Variants in CDH4 observed in about 807,000 individuals in gnomAD.
The protein encoded by CDH4 is cadherin 4, also known as cadherin-4.
CDH4 carries 33 observed loss-of-function variants against 86.0 expected under a neutral mutation model. That is an observed-to-expected ratio of 0.38 (90% CI 0.29 to 0.51). CDH4 has a LOEUF of 0.51. Among genes scored for constraint, CDH4 ranks in the 20% least tolerant of loss-of-function variants. CDH4 has a pLI of 0.86. For missense variants in CDH4, 1,114 were observed against 1,307.4 expected (o/e 0.85, Z 2.28); for synonymous variants, 555 against 549.4 (o/e 1.01, Z -0.14).
chr20:61,713,354 G>A (rs772547072), intron 2 of CDH4, among the ~76,000 whole-genome samples: 12 of 152,182 alleles, frequency 7.9e-5, no homozygotes, highest in Non-Finnish European at 1.6e-4. Context: ...CTAAGCCATG[G>A]GGGTCCCGTG....
At position 61,463,330 on chromosome 20, in the gene CDH4, A is replaced by C. The variant is rs531040139; in HGVS notation, c.169+208393A>C. Among the ~76,000 whole-genome samples the C allele has an allele frequency of 9.2e-5, 14 of 152,348 alleles. 1 individual carries two copies. The South Asian group carries it at 2.7e-3, about 29-fold the overall frequency. ...GGCAAAGCCCCAAAGTAACAGCAAC[A>C]AAGGAAGAAAATCCAGGCAGATCTC... On this transcript the variant is annotated intron_variant, in intron 2 of 15. Coordinates refer to ENST00000614565, the MANE Select transcript of CDH4 (RefSeq NM_001794.5).
chr20:61,757,458 G>A (rs972507903), intron 3 of CDH4, among the ~76,000 whole-genome samples: 1 of 152,214 alleles, frequency 6.6e-6, no homozygotes, highest in African/African-American at 2.4e-5. Context: ...ACGACATCTG[G>A]GCCAGCCCTT....
At chr20:61,295,990 G>T (rs75190948) in intron 2 of CDH4, among the ~76,000 whole-genome samples, 1 of 152,150 alleles carries the variant, frequency 6.6e-6, no homozygotes, top group Non-Finnish European at 1.5e-5. Flanking sequence ...GTCTACCCCC[G>T]CTGCAGGAGG....
Position 61,537,884 on chromosome 20 carries a change from C to T in CDH4, c.170-205679C>T, listed in dbSNP as rs144262268. 6.2e-4 allele frequency among the ~76,000 whole-genome samples: 95 copies of T among 152,298 alleles called. No homozygotes were observed. The East Asian group carries it at 0.013, about 21-fold the overall frequency. The stretch of plus-strand genomic sequence containing the variant: ...GCGCCATGAAAGGGGCCGAGCGAGT[C>T]GGCTGCGTGGCCTGCTGTCTCCAGT... On this transcript the variant is annotated intron_variant, in intron 2 of 15. Transcript: ENST00000614565.
intron 2 of CDH4, among the ~76,000 whole-genome samples, chr20:61,644,877 C>T (rs567778804): frequency 6.6e-4 from 100 of 152,188 alleles, no homozygotes; most frequent in Non-Finnish European, 1.0e-3. Flanking sequence ...TGAGCTGGAT[C>T]CAAAACAGAG....
chr20:61,426,724 G>A (rs768824718), intron 2 of CDH4, among the ~76,000 whole-genome samples: 1 of 152,250 alleles, frequency 6.6e-6, no homozygotes, highest in Non-Finnish European at 1.5e-5. Flanking sequence ...CACCAGCGAA[G>A]GTGGAGGGAG....
intron 2 of CDH4, among the ~76,000 whole-genome samples, chr20:61,424,695 A>G (rs980882999): frequency 1.5e-4 from 19 of 124,180 alleles, no homozygotes; most frequent in Non-Finnish European, 2.9e-4. Context: ...CACCCTCCAG[A>G]TTTCAGCTTC....
chr20:61,932,504 A>T (rs1220480013), intron 13 of CDH4, among the ~76,000 whole-genome samples: 7 of 152,132 alleles, frequency 4.6e-5, no homozygotes, highest in African/African-American at 9.7e-5. Context: ...AGACACACGA[A>T]GTACACATGG....
chr20:61,391,275 C>G (rs1431111369), intron 2 of CDH4, among the ~76,000 whole-genome samples: 1 of 152,048 alleles, frequency 6.6e-6, no homozygotes, highest in Non-Finnish European at 1.5e-5. Flanking sequence ...GGGCTGAGTG[C>G]TGTATTGAGG....
intron 2 of CDH4, among the ~76,000 whole-genome samples, chr20:61,323,160 C>T (rs909458360): frequency 4.6e-5 from 7 of 152,140 alleles, no homozygotes; most frequent in Admixed American, 1.3e-4. Context: ...CCTTGCGGCA[C>T]GGGGTCTTCT....
At chr20:61,360,343 G>A (rs1347008619) in intron 2 of CDH4, among the ~76,000 whole-genome samples, 1 of 152,242 alleles carries the variant, frequency 6.6e-6, no homozygotes, top group South Asian at 2.1e-4. Flanking sequence ...TGCCTATTGG[G>A]GCTGGTGTGT....
Position 61,527,187 on chromosome 20 carries a change from C to T in CDH4, c.170-216376C>T, listed in dbSNP as rs529323483. Reference sequence around the variant, plus strand: ...TCACAATCAGTAACCAGCGCCCAGGCGCCCCTGGCACCCTCCCTAACCTAC... The same window carrying T: ...TCACAATCAGTAACCAGCGCCCAGGTGCCCCTGGCACCCTCCCTAACCTAC... On this transcript the variant is annotated intron_variant, in intron 2 of 15. Transcript: ENST00000614565. Among the ~76,000 whole-genome samples, 45 of 152,348 alleles carry T rather than the reference C, an allele frequency of 3.0e-4. 1 individual carries two copies. In the South Asian group the frequency reaches 7.5e-3, roughly 25 times the overall value.
At chr20:61,686,552 T>G (rs1157184874) in intron 2 of CDH4, among the ~76,000 whole-genome samples, 1 of 151,566 alleles carries the variant, frequency 6.6e-6, no homozygotes, top group Admixed American at 6.6e-5. Flanking sequence ...TGCATTCGCG[T>G]GTATGTGCAT....
At chr20:61,910,270 A>G (rs1257357389) in intron 8 of CDH4, 152 bp from the exon 9 acceptor site, 4 of 668,486 alleles carry the variant, frequency 6.0e-6, no homozygotes, top group East Asian at 2.7e-5. Context: ...CTGGGCTGAC[A>G]CGGTGTGTTC....
intron 2 of CDH4, among the ~76,000 whole-genome samples, chr20:61,573,030 T>TGGATGGATGGTTGGATGGA (rs2086355166): frequency 4.3e-5 from 6 of 140,340 alleles, no homozygotes; most frequent in African/African-American, 1.7e-4. Flanking sequence ...GGATGGATGG[T>TGGATGGATGGTTGGATGGA]TGGATGGATG....
chr20:61,559,522 T>TTTTTC (rs1555868314), intron 2 of CDH4, among the ~76,000 whole-genome samples: 1 of 137,000 alleles, frequency 7.3e-6, no homozygotes, highest in African/African-American at 2.8e-5. Flanking sequence ...TTTTTTTCTT[T>TTTTTC]TTTTTTTTTT....
intron 2 of CDH4, among the ~76,000 whole-genome samples, chr20:61,647,771 G>A (rs1216625139): frequency 1.3e-5 from 2 of 152,120 alleles, no homozygotes; most frequent in Admixed American, 6.5e-5. Context: ...CACAGGCCCT[G>A]ACCCATCTAT....
chr20:61,372,086 G>C (rs1270225512), intron 2 of CDH4, among the ~76,000 whole-genome samples: 1 of 152,186 alleles, frequency 6.6e-6, no homozygotes, highest in Non-Finnish European at 1.5e-5. Flanking sequence ...TGTCACCCAG[G>C]TCTCTCCCTC....
intron 2 of CDH4, among the ~76,000 whole-genome samples, chr20:61,606,813 CTGTG>C (rs2086649353): frequency 6.6e-6 from 1 of 152,240 alleles, no homozygotes; most frequent in East Asian, 1.9e-4. Flanking sequence ...TTAAATGACT[CTGTG>C]TGGCCTTGCC....
Sources: gnomAD v4.1 joint callset for allele counts (sites outside exome capture counted in the v4.1 genomes callset) on GRCh38, gnomAD v4.1.1 for gene constraint, MANE v1.5 for transcripts, NCBI Gene and HGNC (gene_info 2026-07-23, HGNC 2026-07-21) for gene names.